KCNH5: variants seen among roughly 807,000 people sequenced by gnomAD.
KCNH5 encodes the protein voltage-gated delayed rectifier potassium channel KCNH5.
A neutral mutation model predicts 96.1 loss-of-function variants in KCNH5; 46 were observed. The observed-to-expected ratio is 0.48, with a 90% CI of 0.38 to 0.61. KCNH5 has a LOEUF of 0.61. Among genes scored for constraint, KCNH5 ranks in the 20% least tolerant of loss-of-function variants. KCNH5 has a pLI of 0.00. For missense variants in KCNH5, 907 were observed against 1,225.8 expected, an observed-to-expected ratio of 0.74 and a Z score of 3.88; for synonymous variants, 439 against 449.8, an observed-to-expected ratio of 0.98 and a Z score of 0.30.
chr14:62,798,809 A>G (rs1475571730), intron 9 of KCNH5, among the ~76,000 whole-genome samples: 1 of 152,198 alleles, frequency 6.6e-6, no homozygotes, highest in Non-Finnish European at 1.5e-5. Context: ...GTGCCTATCG[A>G]GAGACTGTTT....
intron 9 of KCNH5, among the ~76,000 whole-genome samples, chr14:62,785,345 A>C (rs560888034): frequency 6.6e-6 from 1 of 152,366 alleles, no homozygotes; most frequent in Admixed American, 6.5e-5. Context: ...TCTAACGTGC[A>C]TGCATCCAAT....
At chr14:62,747,670 C>T (rs1018433129) in intron 10 of KCNH5, among the ~76,000 whole-genome samples, 1 of 152,148 alleles carries the variant, frequency 6.6e-6, no homozygotes, top group Non-Finnish European at 1.5e-5. Flanking sequence ...GAAGTCTGTT[C>T]GTTAACCTAA....
At chr14:63,017,934 G>C (rs1439917164) in intron 1 of KCNH5, among the ~76,000 whole-genome samples, 6 of 123,402 alleles carry the variant, frequency 4.9e-5, no homozygotes. Flanking sequence ...TTATTAAGTA[G>C]TTGCTGTATA....
At chr14:62,720,889 C>T (rs1462626866) in intron 10 of KCNH5, among the ~76,000 whole-genome samples, 1 of 152,188 alleles carries the variant, frequency 6.6e-6, no homozygotes. Flanking sequence ...CACACACACA[C>T]ACTGTATACC....
intron 8 of KCNH5, among the ~76,000 whole-genome samples, chr14:62,817,964 C>T (rs886591615): frequency 3.3e-5 from 5 of 149,574 alleles, no homozygotes; most frequent in South Asian, 4.2e-4. Flanking sequence ...TTTGTGAAAA[C>T]GTAGAATGAA....
chr14:62,811,364 TC>T (rs1414025642), intron 8 of KCNH5, among the ~76,000 whole-genome samples: 6 of 152,142 alleles, frequency 3.9e-5, no homozygotes, highest in African/African-American at 7.2e-5. Context: ...ACTACCGTCC[TC>T]CAACCATGCC....
At chr14:62,888,131 C>T (rs921232447) in intron 7 of KCNH5, among the ~76,000 whole-genome samples, 17 of 152,120 alleles carry the variant, frequency 1.1e-4, no homozygotes, top group African/African-American at 4.1e-4. Context: ...ACTAATAAAA[C>T]CTATTTTATT....
chr14:62,947,910 C>T (rs1027518165), intron 7 of KCNH5, among the ~76,000 whole-genome samples: 1 of 151,930 alleles, frequency 6.6e-6, no homozygotes, highest in African/African-American at 2.4e-5. Flanking sequence ...ATGTGCCATG[C>T]TGGTGTGTTG....
chr14:62,914,941 G>A (rs1284250551), intron 7 of KCNH5, among the ~76,000 whole-genome samples: 1 of 152,192 alleles, frequency 6.6e-6, no homozygotes, highest in East Asian at 1.9e-4. Context: ...AATGGATTTG[G>A]GATTTTACGT....
intron 3 of KCNH5, among the ~76,000 whole-genome samples, chr14:63,006,070 T>C (rs1457498579): frequency 6.6e-6 from 1 of 152,194 alleles, no homozygotes; most frequent in African/African-American, 2.4e-5. Flanking sequence ...ATTTTAATCG[T>C]TGTCACATAA....
In KCNH5 at chr14:62,825,407, AT is replaced by A. The variant is rs201625724; in HGVS notation, c.1570-22827del. Among the ~76,000 whole-genome samples the A allele has an allele frequency of 7.0e-4, 105 of 150,406 alleles. 2 individuals carry two copies. In the South Asian group the frequency reaches 8.6e-3, roughly 12 times the overall value. ...AAGGGATGTGGAGTATTTTTTTCAT[AT>A]TTTTTTTTGACCACTTGTATGCCTT... On this transcript the variant is annotated intron_variant, in intron 8 of 10. Coordinates refer to ENST00000322893, the MANE Select transcript of KCNH5 (RefSeq NM_139318.5).
chr14:63,028,707 T>C (rs754406268), intron 1 of KCNH5, among the ~76,000 whole-genome samples: 1 of 152,144 alleles, frequency 6.6e-6, no homozygotes, highest in Non-Finnish European at 1.5e-5. Flanking sequence ...CCTGTTAGAC[T>C]GGAAGCAGAG....
intron 6 of KCNH5, among the ~76,000 whole-genome samples, chr14:62,964,489 A>C (rs955897062): frequency 2.6e-5 from 4 of 152,020 alleles, no homozygotes; most frequent in Non-Finnish European, 5.9e-5. Context: ...ACACACACAC[A>C]CACAATTTAA....
rs371152655 is a variant in KCNH5 at position 62,794,953 on chromosome 14, C to G, written c.1822+7376G>C. Among the ~76,000 whole-genome samples, 8 of 152,168 alleles carry G rather than the reference C, an allele frequency of 5.3e-5. No homozygotes were observed. The South Asian group carries it at 1.7e-3, about 32-fold the overall frequency. The stretch of plus-strand genomic sequence containing the variant: ...AAGTTTTCTTATTATGGTCAACAAG[C>G]AGGTATAAGTTAGTTCCTTTCCTGG... On this transcript the variant is annotated intron_variant, in intron 9 of 10. Transcript: ENST00000322893.
At chr14:62,879,731 G>T (rs1888455207) in intron 7 of KCNH5, among the ~76,000 whole-genome samples, 1 of 152,038 alleles carries the variant, frequency 6.6e-6, no homozygotes, top group Admixed American at 6.6e-5. Flanking sequence ...AATTTGATTT[G>T]TAATTTAATG....
chr14:62,933,471 GTATGTGTGTGTGTTTA>G (rs1009514701), intron 7 of KCNH5, among the ~76,000 whole-genome samples: 1 of 151,840 alleles, frequency 6.6e-6, no homozygotes, highest in Non-Finnish European at 1.5e-5. Context: ...GTGTGTGTGT[GTATGTGTGTGTGTTTA>G]TGTGTGTGTG....
intron 10 of KCNH5, among the ~76,000 whole-genome samples, chr14:62,762,710 A>T (rs1010840241): frequency 3.9e-5 from 6 of 152,164 alleles, no homozygotes; most frequent in Non-Finnish European, 8.8e-5. Context: ...AATGGAAAAC[A>T]AACAAACAAA....
At chr14:62,902,215 C>T (rs1888941345) in intron 7 of KCNH5, among the ~76,000 whole-genome samples, 1 of 112,486 alleles carries the variant, frequency 8.9e-6, no homozygotes, top group South Asian at 4.0e-4. Flanking sequence ...TGTTTAGTTT[C>T]ATTAGTTCCC....
intron 4 of KCNH5, among the ~76,000 whole-genome samples, chr14:62,993,204 T>C (rs1285310578): frequency 2.6e-5 from 4 of 152,118 alleles, no homozygotes; most frequent in East Asian, 3.9e-4. Context: ...ACTGTGCTGT[T>C]TGGGTTAACA....
Sources: allele counts gnomAD v4.1 joint callset (sites outside exome capture counted in the v4.1 genomes callset), GRCh38; gene constraint gnomAD v4.1.1; transcripts MANE v1.5; gene names NCBI Gene and HGNC (gene_info 2026-07-23, HGNC 2026-07-21).